The following ZNF713 variants were observed in gnomAD, a reference collection of about 807,000 sequenced individuals.
ZNF713 encodes zinc finger protein 713.
A neutral mutation model predicts 28.7 loss-of-function variants in ZNF713; 21 were observed. That is an observed-to-expected ratio of 0.73 (90% CI 0.52 to 1.05). ZNF713 has a LOEUF of 1.05. Ranked by LOEUF, ZNF713 falls within the 50% of genes least tolerant of loss-of-function variation. ZNF713 has a pLI of 0.00. For synonymous variants in ZNF713, 167 were observed against 178.0 expected (o/e 0.94, Z 0.49); for missense variants, 458 against 532.4 (o/e 0.86, Z 1.37).
At chr7:55,888,562 T>C (rs1269455884) in intron 1 of ZNF713, among the ~76,000 whole-genome samples, 1 of 151,976 alleles carries the variant, frequency 6.6e-6, no homozygotes, top group Non-Finnish European at 1.5e-5. Flanking sequence ...GTTGTTGTTG[T>C]TGTTGTTAGC....
At chr7:55,899,970 C>CT (rs1402104497) in intron 1 of ZNF713, among the ~76,000 whole-genome samples, 1 of 151,994 alleles carries the variant, frequency 6.6e-6, no homozygotes, top group African/African-American at 2.4e-5. Flanking sequence ...TCTTGATCTC[C>CT]TGATCTCAGA....
chr7:55,919,511 T>TTTTTTTTTTTTTTTTTTTTTTTTTTTG (rs1785950175), intron 4 of ZNF713, among the ~76,000 whole-genome samples: 1 of 88,804 alleles, frequency 1.1e-5, no homozygotes, highest in Non-Finnish European at 2.2e-5. Flanking sequence ...TTTTTTTTTT[T>TTTTTTTTTTTTTTTTTTTTTTTTTTTG]TTTTTTTTTT....
At position 55,940,087 on chromosome 7, in the gene ZNF713, T is replaced by C; in HGVS notation, c.*81T>C. 6.7e-7 allele frequency: 1 copy of C among 1,484,096 alleles called. No homozygotes were observed. Among genetic ancestry groups the C allele is most frequent in the Non-Finnish European group, 8.9e-7 (1 of 1,122,878 alleles). The allele number at this position is 1,484,096 out of a possible 1,614,324, so 91.9% of individuals were successfully genotyped here. On this transcript the variant is annotated 3_prime_UTR_variant, in exon 7 of 7. Coordinates refer to ENST00000429591, the MANE Select transcript of ZNF713 (RefSeq NM_182633.3). ...CCTTTTTATCCCATTCAATATCAAA[T>C]TATTCATAGTGGAGAGAAAGCTTAT...
chr7:55,923,903 T>G (rs1453050536), intron 6 of ZNF713: 5 of 398,708 alleles, frequency 1.3e-5, no homozygotes, highest in Non-Finnish European at 2.3e-5. Context: ...ACACTTATAT[T>G]GTTTTAAAAA....
intron 1 of ZNF713, among the ~76,000 whole-genome samples, chr7:55,888,206 T>G (rs952850068): frequency 2.0e-5 from 3 of 152,158 alleles, no homozygotes; most frequent in Admixed American, 2.0e-4. Flanking sequence ...AAATATTTTC[T>G]TTTTCTCCTT....
chr7:55,923,042 G>T, intron 4 of ZNF713, 120 bp from the exon 5 acceptor site: 1 of 1,108,780 alleles, frequency 9.0e-7, no homozygotes, highest in Non-Finnish European at 1.2e-6. Context: ...GAACAACTCA[G>T]AGTCCTGAAG....
chr7:55,894,358 T>G (rs1289049635), intron 1 of ZNF713, among the ~76,000 whole-genome samples: 2 of 152,184 alleles, frequency 1.3e-5, no homozygotes, highest in East Asian at 3.8e-4. Context: ...TAAAGACCTC[T>G]TGCAAATCAA....
At chr7:55,918,951 A>C (rs1319788272) in intron 4 of ZNF713, among the ~76,000 whole-genome samples, 2 of 151,884 alleles carry the variant, frequency 1.3e-5, no homozygotes, top group African/African-American at 4.8e-5. Context: ...CCCAGATTGC[A>C]CCACTGCACT....
rs1562746758 is a variant in ZNF713, at chr7:55,927,915, A to AAAAAAAAG, written c.307+4221_307+4222insAAGAAAAA. ...CTGTCTCAAAAAAAAAAAAAAAAAA[A>AAAAAAAAG]AAAAAGCCACAAGAGATGGAGCAAG... On this transcript the variant is annotated intron_variant, in intron 6 of 6. Transcript: ENST00000429591. Among the ~76,000 whole-genome samples the AAAAAAAAG allele has an allele frequency of 7.4e-5, 11 of 148,018 alleles. 1 individual carries two copies. The highest frequency in any genetic ancestry group is 1.2e-4 in the Non-Finnish European group (8 of 66,932).
At chr7:55,909,971 A>ATGTG (rs71015122) in intron 2 of ZNF713, among the ~76,000 whole-genome samples, 32 of 146,786 alleles carry the variant, frequency 2.2e-4, no homozygotes, top group South Asian at 1.1e-3. Flanking sequence ...ATATACGTTT[A>ATGTG]TGTGTGTGTG....
rs56338467 is a variant in ZNF713, at chr7:55,892,555, C to CAAAAA, written c.-583+4894_-583+4898dup. The stretch of plus-strand genomic sequence containing the variant: ...TGAAGGTTTGCTGAAAAGCACTGAC[C>CAAAAA]AAAAAAAAAAAAAAAAAAAAAAACA... On this transcript the variant is annotated intron_variant, in intron 1 of 6. Coordinates refer to ENST00000429591, the MANE Select transcript of ZNF713 (RefSeq NM_182633.3). Among the ~76,000 whole-genome samples, 188 of 74,244 alleles carry CAAAAA rather than the reference C, an allele frequency of 2.5e-3. 12 individuals carry two copies. The East Asian group carries it at 0.028, about 11-fold the overall frequency. 48.7% of individuals were successfully genotyped at this position (74,244 alleles called of 152,430 possible). A position where few individuals can be genotyped will look rare whatever the true frequency, so the allele number is the denominator to read the frequency against.
At chr7:55,912,481 G>A (rs567192756) in intron 3 of ZNF713, among the ~76,000 whole-genome samples, 154 bp from the exon 4 acceptor site, 2 of 152,210 alleles carry the variant, frequency 1.3e-5, no homozygotes, top group East Asian at 3.9e-4. Context: ...CCGAACTCCT[G>A]AACATCATAG....
intron 4 of ZNF713, among the ~76,000 whole-genome samples, chr7:55,917,704 CAA>C (rs59443993): frequency 1.1e-4 from 13 of 123,112 alleles, no homozygotes; most frequent in Admixed American, 8.3e-5. Flanking sequence ...GACCCTGTCT[CAA>C]AAAAAAAAAA....
chr7:55,894,339 C>T (rs1274091216), intron 1 of ZNF713, among the ~76,000 whole-genome samples: 2 of 152,154 alleles, frequency 1.3e-5, no homozygotes. Context: ...CTTTATACTA[C>T]CTTCTGTCTA....
Position 55,939,716 on chromosome 7 carries a change from G to A in ZNF713, c.1042G>A (p.Gly348Ser). 6.2e-7 allele frequency: 1 copy of A among 1,614,094 alleles called. No individual in the cohort carries two copies. Among genetic ancestry groups the A allele is most frequent in the Non-Finnish European group, 8.5e-7 (1 of 1,180,004 alleles). Residue 348 changes from glycine (G) to serine (S), a missense_variant, in exon 7 of 7, where the codon GGT (glycine) becomes AGT (serine). Transcript: ENST00000429591. ...AAAGCCCTATAAATGTAATCAATGTGGTAAAGCTTTTAGCCGCATCACATC... is the reference window on the plus strand; with the variant it reads ...AAAGCCCTATAAATGTAATCAATGTAGTAAAGCTTTTAGCCGCATCACATC... ...GEKPYKCNQC[G>S]KAFSRITSLT...
Position 55,887,868 on chromosome 7 carries a change from C to CG in ZNF713, c.-583+190dup, listed in dbSNP as rs1455659048. Among the ~76,000 whole-genome samples, 29 of 7,616 alleles carry CG rather than the reference C, an allele frequency of 3.8e-3. 6 individuals are homozygous for CG. The highest frequency in any genetic ancestry group is 0.037 in the East Asian group (5 of 134). The allele number at this position is 7,616 out of a possible 152,430, so 5.0% of individuals were successfully genotyped here. On this transcript the variant is annotated intron_variant, in intron 1 of 6. Coordinates refer to ENST00000429591, the MANE Select transcript of ZNF713 (RefSeq NM_182633.3). ...GGCGGCGGCGGCGGGCGGCGGGCGG[C>CG]GGCGGCGGCGGCGGCGGCGGGCGGC...
At chr7:55,896,353 G>T (rs1360826075) in intron 1 of ZNF713, among the ~76,000 whole-genome samples, 1 of 152,102 alleles carries the variant, frequency 6.6e-6, no homozygotes, top group Admixed American at 6.6e-5. Context: ...CCACATAAAT[G>T]CTGTAATCAA....
chr7:55,892,555 CAAAAAAAAAAA>C (rs56338467), intron 1 of ZNF713, among the ~76,000 whole-genome samples: 1 of 74,366 alleles, frequency 1.3e-5, no homozygotes, highest in Admixed American at 1.9e-4. Flanking sequence ...AAGCACTGAC[CAAAAAAAAAAA>C]AAAAAAAAAA....
intron 3 of ZNF713, among the ~76,000 whole-genome samples, 191 bp from the exon 4 acceptor site, chr7:55,912,444 G>A (rs562425046): frequency 2.0e-5 from 3 of 152,266 alleles, no homozygotes; most frequent in East Asian, 1.9e-4. Context: ...TTGCACCCCC[G>A]AAGACAGACA....
Sources: gnomAD v4.1 joint callset for allele counts (sites outside exome capture counted in the v4.1 genomes callset) on GRCh38, gnomAD v4.1.1 for gene constraint, MANE v1.5 for transcripts, NCBI Gene and HGNC (gene_info 2026-07-23, HGNC 2026-07-21) for gene names.